The following PARD3B variants were observed in gnomAD, a reference collection of about 807,000 sequenced individuals.
PARD3B encodes partitioning defective 3 homolog B.
PARD3B carries 103 observed loss-of-function variants against 130.2 expected under a neutral mutation model. That is an observed-to-expected ratio of 0.79 (90% confidence interval 0.67 to 0.93). The LOEUF (loss-of-function observed/expected upper bound fraction) is 0.93. Ranked by LOEUF, PARD3B falls within the 40% of genes least tolerant of loss-of-function variation. PARD3B has a pLI of 0.00. For missense variants in PARD3B, 1,609 were observed against 1,499.2 expected (o/e 1.07, Z -1.21); for synonymous variants, 583 against 553.2 (o/e 1.05, Z -0.76).
At chr2:205,223,835 T>C (rs1008956088) in intron 15 of PARD3B, among the ~76,000 whole-genome samples, 1 of 152,188 alleles carries the variant, frequency 6.6e-6, no homozygotes, top group Admixed American at 6.5e-5. Flanking sequence ...GTACATGAGA[T>C]GTTTTGATAC....
intron 11 of PARD3B, among the ~76,000 whole-genome samples, chr2:205,168,897 G>A (rs773518319): frequency 3.9e-5 from 6 of 152,198 alleles, no homozygotes; most frequent in Non-Finnish European, 8.8e-5. Context: ...TAGGGACGCT[G>A]TGGAATTCAG....
intron 18 of PARD3B, among the ~76,000 whole-genome samples, chr2:205,377,810 C>A (rs2045125907): frequency 8.0e-6 from 1 of 124,480 alleles, no homozygotes; most frequent in Non-Finnish European, 1.6e-5. Context: ...CGCTCTTGTT[C>A]CCCAGGCTGG....
rs185325004 is a variant in PARD3B, at chr2:204,547,574, G to A, written c.120+1455G>A. ...CTGATGTTTAAACAAGTAACCAATT[G>A]TCTATTAAATCATATTTCACTAACT... On this transcript the variant is annotated intron_variant, in intron 1 of 22. Coordinates refer to ENST00000406610, the MANE Select transcript of PARD3B (RefSeq NM_001302769.2). Among the ~76,000 whole-genome samples the A allele has an allele frequency of 1.5e-3, 233 of 152,282 alleles. 6 individuals are homozygous for A. The highest frequency in any genetic ancestry group is 0.015 in the Admixed American group (227 of 15,296).
intron 11 of PARD3B, among the ~76,000 whole-genome samples, chr2:205,165,952 A>T (rs2034789938): frequency 1.3e-5 from 2 of 151,934 alleles, no homozygotes; most frequent in South Asian, 4.1e-4. Context: ...CTTTTTTGGA[A>T]TTCTGAAGGT....
rs545588983 is a variant in PARD3B at position 205,343,067 on chromosome 2, A to G, written c.2630+41366A>G. On this transcript the variant is annotated intron_variant, in intron 18 of 22. Coordinates refer to ENST00000406610, the MANE Select transcript of PARD3B (RefSeq NM_001302769.2). ...TTCATTTCTATCAGCATTATCCTCA[A>G]TGCTAAATCTTGTATGTCTCAAGTC... Among the ~76,000 whole-genome samples the G allele has an allele frequency of 7.9e-5, 12 of 152,302 alleles. No homozygotes were observed. In the South Asian group the frequency reaches 2.3e-3, roughly 29 times the overall value.
In PARD3B at chr2:205,586,255, A is replaced by G. The variant is rs1227736749; in HGVS notation, c.3261-29201A>G. On this transcript the variant is annotated intron_variant, in intron 22 of 22. Coordinates refer to ENST00000406610, the MANE Select transcript of PARD3B (RefSeq NM_001302769.2). ...CAGTTCAAGTTACTGCAGGCTGAAT[A>G]TGAGGAAGACAGTCAGAAAACACAT... Among the ~76,000 whole-genome samples the G allele has an allele frequency of 2.0e-5, 3 of 152,236 alleles. No homozygotes were observed. In the East Asian group the frequency reaches 5.8e-4, roughly 29 times the overall value.
In PARD3B at chr2:204,841,923, TG is replaced by T. The variant is rs1207798785; in HGVS notation, c.223-123228del. Among the ~76,000 whole-genome samples the T allele has an allele frequency of 1.3e-5, 2 of 152,078 alleles. 1 individual carries two copies. Among genetic ancestry groups the T allele is most frequent in the African/African-American group, 4.8e-5 (2 of 41,390 alleles). On this transcript the variant is annotated intron_variant, in intron 2 of 22. Coordinates refer to ENST00000406610, the MANE Select transcript of PARD3B (RefSeq NM_001302769.2). ...ATAATAAGAGAAAACTTTTTAACATTGTAGGAATATGTGAAATTGAATAGCA... is the reference window on the plus strand; with the variant it reads ...ATAATAAGAGAAAACTTTTTAACATTTAGGAATATGTGAAATTGAATAGCA...
intron 20 of PARD3B, among the ~76,000 whole-genome samples, chr2:205,454,386 A>AG (rs1030819160): frequency 1.3e-5 from 2 of 152,158 alleles, no homozygotes; most frequent in African/African-American, 4.8e-5. Context: ...GGGATGAAAA[A>AG]GGGCCGGAAA....
intron 20 of PARD3B, among the ~76,000 whole-genome samples, chr2:205,482,257 A>G (rs2049265776): frequency 6.6e-6 from 1 of 152,154 alleles, no homozygotes; most frequent in South Asian, 2.1e-4. Flanking sequence ...GAAACAGACA[A>G]TTAGATTGGA....
chr2:204,945,159 G>A (rs1453411954), intron 2 of PARD3B, among the ~76,000 whole-genome samples: 2 of 152,190 alleles, frequency 1.3e-5, no homozygotes, highest in South Asian at 2.1e-4. Flanking sequence ...AGAGTTTGCA[G>A]CAGAGAAGGA....
At chr2:205,545,033 G>A (rs189247917) in intron 21 of PARD3B, among the ~76,000 whole-genome samples, 4 of 152,302 alleles carry the variant, frequency 2.6e-5, no homozygotes, top group Non-Finnish European at 5.9e-5. Context: ...TGAATACCCA[G>A]TTATTTCACA....
chr2:205,316,082 T>C (rs893093543), intron 18 of PARD3B, among the ~76,000 whole-genome samples: 1 of 152,206 alleles, frequency 6.6e-6, no homozygotes, highest in African/African-American at 2.4e-5. Flanking sequence ...TTATATGGTG[T>C]GCTAATTGGA....
chr2:205,360,170 G>A (rs186380001), intron 18 of PARD3B, among the ~76,000 whole-genome samples: 3 of 152,100 alleles, frequency 2.0e-5, no homozygotes, highest in African/African-American at 7.2e-5. Flanking sequence ...TTTGGACATC[G>A]TTTTATATGG....
chr2:205,359,903 T>A (rs2044326834), intron 18 of PARD3B, among the ~76,000 whole-genome samples: 1 of 152,216 alleles, frequency 6.6e-6, no homozygotes, highest in Admixed American at 6.5e-5. Context: ...AAATGCATTC[T>A]GTCCTTACTA....
chr2:205,037,495 A>AATATATAGTGGACTATATATATAAAATAT (rs1698075550), intron 3 of PARD3B, among the ~76,000 whole-genome samples: 1 of 147,906 alleles, frequency 6.8e-6, no homozygotes. Flanking sequence ...ATATATATAA[A>AATATATAGTGGACTATATATATAAAATAT]ATATATAGTG....
intron 1 of PARD3B, among the ~76,000 whole-genome samples, chr2:204,621,235 AG>A (rs1299633563): frequency 2.6e-5 from 4 of 152,216 alleles, no homozygotes; most frequent in African/African-American, 9.6e-5. Flanking sequence ...AACTGTCAAA[AG>A]GTTGGGGTTA....
intron 22 of PARD3B, among the ~76,000 whole-genome samples, chr2:205,557,294 G>T (rs752767916): frequency 6.6e-6 from 1 of 152,132 alleles, no homozygotes; most frequent in Non-Finnish European, 1.5e-5. Flanking sequence ...TAGTCATGTT[G>T]TCAACTCCCC....
intron 15 of PARD3B, among the ~76,000 whole-genome samples, chr2:205,240,870 A>G (rs953135563): frequency 6.6e-6 from 1 of 152,218 alleles, no homozygotes; most frequent in African/African-American, 2.4e-5. Context: ...AAACACTTTA[A>G]GTGATCACTA....
rs931410857 is a variant in PARD3B at position 205,619,418 on chromosome 2, A to G, written c.*3605A>G. The G allele has an allele frequency of 1.3e-5, 2 of 152,156 alleles. No individual in the cohort carries two copies. Among genetic ancestry groups the G allele is most frequent in the Admixed American group, 6.5e-5 (1 of 15,286 alleles). The allele number at this position is 152,156 out of a possible 1,614,324, so 9.4% of individuals were successfully genotyped here. A position where few individuals can be genotyped will look rare whatever the true frequency, so the allele number is the denominator to read the frequency against. On this transcript the variant is annotated 3_prime_UTR_variant, in exon 23 of 23. Transcript: ENST00000406610. ...CATTAAACTCTGAAACCTACAATCA[A>G]TGGCCTTCAAATTGGTGTTAAATTG...
Sources: allele counts gnomAD v4.1 joint callset (sites outside exome capture counted in the v4.1 genomes callset), GRCh38; gene constraint gnomAD v4.1.1; transcripts MANE v1.5; gene names NCBI Gene and HGNC (gene_info 2026-07-23, HGNC 2026-07-21).